RTTN: variants seen among roughly 807,000 people sequenced by gnomAD.
RTTN encodes the protein rotatin.
Under a neutral mutation model 269.2 loss-of-function variants are expected in RTTN, and 182 were observed. The observed-to-expected ratio is 0.68, with a 90% CI of 0.60 to 0.76. The LOEUF is 0.76. RTTN is among the 30% of genes least tolerant of loss of function. The pLI is 0.00. For synonymous variants in RTTN, 1,006 were observed against 963.5 expected (o/e 1.04, Z -0.82); for missense variants, 2,545 against 2,608.6 (o/e 0.98, Z 0.53).
At chr18:70,154,727 T>C (rs570478485) in intron 14 of RTTN, among the ~76,000 whole-genome samples, 1 of 152,206 alleles carries the variant, frequency 6.6e-6, no homozygotes, top group African/African-American at 2.4e-5. Flanking sequence ...CTCAGCTCAC[T>C]TGCACCACAG....
In RTTN at chr18:70,204,249, G is replaced by C; in HGVS notation, c.234C>G (p.Val78=). 1 of 1,611,386 alleles carries C rather than the reference G, an allele frequency of 6.2e-7. No individual in the cohort carries two copies. Among genetic ancestry groups the C allele is most frequent in the Non-Finnish European group, 8.5e-7 (1 of 1,179,296 alleles). The change falls in exon 3 of 49, where the codon GTC becomes GTG. Residue 78 remains valine (V), a synonymous_variant. Transcript: ENST00000640769. ...CTGCACCAACGTCAACCAAATGTTG[G>C]ACTGCTGGGGGATACTAAAATAAGA... ...LSRLVKYPPA[V]QHLVDVGAVE...
intron 40 of RTTN, among the ~76,000 whole-genome samples, chr18:70,040,988 G>C (rs2057322863): frequency 6.6e-6 from 1 of 152,168 alleles, no homozygotes; most frequent in South Asian, 2.1e-4. Flanking sequence ...GGGAGGCCAA[G>C]GTGGACGGAA....
chr18:70,034,203 T>C (rs569970580), intron 40 of RTTN, among the ~76,000 whole-genome samples: 1 of 152,298 alleles, frequency 6.6e-6, no homozygotes, highest in East Asian at 1.9e-4. Context: ...CCTCAATTCA[T>C]TCTATGAGGC....
chr18:70,057,663 T>C (rs2057856827), intron 37 of RTTN, 79 bp downstream of exon 37: 3 of 979,280 alleles, frequency 3.1e-6, no homozygotes, highest in Middle Eastern at 2.1e-4. Flanking sequence ...CCTTTTCCTA[T>C]GACTAGTATC....
At position 70,142,291 on chromosome 18, in the gene RTTN, G is replaced by C. The variant is rs1176459060; in HGVS notation, c.2578C>G (p.Gln860Glu). Residue 860 changes from glutamine to glutamate, a missense_variant, in exon 19 of 49, where the codon CAA (glutamine) becomes GAA (glutamate). Physicochemically the swap from Gln to Glu is conservative, Grantham distance 29. Coordinates refer to ENST00000640769, the MANE Select transcript of RTTN (RefSeq NM_173630.4). ...SAAEQLAVIMQDIKMHAVVKK... is the reference protein window; with the variant it reads ...SAAEQLAVIMEDIKMHAVVKK... ...CATTTCCCTTAAAAGACATTACCTT[G>C]CATAATCACAGCTAACTGTTCAGCA... 6.3e-7 allele frequency: 1 copy of C among 1,578,954 alleles called. No homozygotes were observed. Among genetic ancestry groups the C allele is most frequent in the Admixed American group, 1.7e-5 (1 of 59,734 alleles).
At chr18:70,041,497 C>G (rs2057339492) in intron 40 of RTTN, among the ~76,000 whole-genome samples, 1 of 152,022 alleles carries the variant, frequency 6.6e-6, no homozygotes, top group African/African-American at 2.4e-5. Context: ...CTGAAAACTA[C>G]CCCAATCTAT....
At chr18:70,138,505 A>G (rs1268104044) in intron 21 of RTTN, 1 of 152,228 alleles carries the variant, frequency 6.6e-6, no homozygotes, top group African/African-American at 2.4e-5. Context: ...AATGAAAATT[A>G]TAAATGAAAA....
chr18:70,081,018 T>C (rs1221938063), intron 32 of RTTN, among the ~76,000 whole-genome samples: 1 of 151,902 alleles, frequency 6.6e-6, no homozygotes, highest in Non-Finnish European at 1.5e-5. Context: ...TTAATGGTAT[T>C]CGCAGTGATC....
At chr18:70,103,762 CA>C (rs71178846) in intron 28 of RTTN, among the ~76,000 whole-genome samples, 16 of 117,968 alleles carry the variant, frequency 1.4e-4, no homozygotes, top group Non-Finnish European at 1.3e-4. Context: ...ATAAATACTT[CA>C]AAAAAAAAAA....
chr18:70,122,516 C>T (rs1179121426), intron 25 of RTTN, among the ~76,000 whole-genome samples: 1 of 152,112 alleles, frequency 6.6e-6, no homozygotes, highest in Non-Finnish European at 1.5e-5. Flanking sequence ...GTTCTAACAG[C>T]AGGGTTTCTG....
chr18:70,155,244 A>G (rs1406594253), intron 14 of RTTN, among the ~76,000 whole-genome samples: 2 of 152,202 alleles, frequency 1.3e-5, no homozygotes, highest in Non-Finnish European at 1.5e-5. Context: ...TCAAATCCCT[A>G]AAGGCAAGGC....
At chr18:70,094,795 T>C (rs1424907609) in intron 28 of RTTN, among the ~76,000 whole-genome samples, 1 of 152,150 alleles carries the variant, frequency 6.6e-6, no homozygotes, top group Non-Finnish European at 1.5e-5. Flanking sequence ...AGATGTCTAT[T>C]AGGTCCGCTT....
chr18:70,082,577 A>T (rs371156344), intron 32 of RTTN, among the ~76,000 whole-genome samples: 1 of 152,246 alleles, frequency 6.6e-6, no homozygotes, highest in African/African-American at 2.4e-5. Flanking sequence ...CTTAACTCCT[A>T]GTCAGACTGT....
intron 21 of RTTN, chr18:70,138,993 C>A (rs577128794): frequency 7.7e-5 from 6 of 77,996 alleles, no homozygotes; most frequent in African/African-American, 1.6e-4. Flanking sequence ...ACCAAGCTCT[C>A]CATTGAGAAA....
intron 28 of RTTN, among the ~76,000 whole-genome samples, chr18:70,095,063 G>GTT (rs138632105): frequency 1.1e-3 from 156 of 144,414 alleles, no homozygotes; most frequent in South Asian, 5.9e-3. Context: ...GTAATGCCTT[G>GTT]TTTTTTTTTT....
In RTTN at chr18:70,030,900, T is replaced by G. The variant is rs751502886; in HGVS notation, c.5623A>C (p.Arg1875=). ...CCTTTCAAAGCATGTTTCTGTGCTC[T>G]TCTACTGACAGCCAGCAGTGACATC... The part of the protein sequence containing the change: ...ALMSLLAVSR[R]AQKHALKANL... Residue 1875 remains arginine, a synonymous_variant, in exon 41 of 49, where the codon AGA becomes CGA. Transcript: ENST00000640769. 32 of 1,613,530 alleles carry G rather than the reference T, an allele frequency of 2.0e-5. No homozygotes were observed. Among genetic ancestry groups the G allele is most frequent in the Non-Finnish European group, 2.6e-5 (31 of 1,179,794 alleles).
At chr18:70,187,327 T>C (rs1472735489) in intron 10 of RTTN, among the ~76,000 whole-genome samples, 1 of 152,022 alleles carries the variant, frequency 6.6e-6, no homozygotes, top group Non-Finnish European at 1.5e-5. Context: ...TTATGCAGGA[T>C]GGGGAGAGGA....
intron 9 of RTTN, 72 bp downstream of exon 9, chr18:70,190,466 A>G (rs532821876): frequency 8.0e-7 from 1 of 1,244,276 alleles, no homozygotes; most frequent in African/African-American, 1.5e-5. Flanking sequence ...AGAAGAGAAA[A>G]AAAGGAAAAT....
At chr18:70,055,615 A>ACTCTACAC (rs1234890976) in intron 37 of RTTN, among the ~76,000 whole-genome samples, 1 of 152,040 alleles carries the variant, frequency 6.6e-6, no homozygotes, top group Non-Finnish European at 1.5e-5. Context: ...TTACATTCAT[A>ACTCTACAC]CTCTACACTA....
Sources: allele counts gnomAD v4.1 joint callset (sites outside exome capture counted in the v4.1 genomes callset), GRCh38; gene constraint gnomAD v4.1.1; transcripts MANE v1.5; gene names NCBI Gene and HGNC (gene_info 2026-07-23, HGNC 2026-07-21).